Variants in PDE3A observed in about 807,000 individuals in gnomAD.
The protein encoded by PDE3A is phosphodiesterase 3A.
PDE3A carries 43 observed loss-of-function variants against 98.3 expected under a neutral mutation model. That is an observed-to-expected ratio of 0.44 (90% CI 0.34 to 0.56). PDE3A has a LOEUF of 0.56. Ranked by LOEUF, PDE3A falls within the 20% of genes least tolerant of loss-of-function variation. The pLI is 0.01. For synonymous variants in PDE3A, 663 were observed against 567.9 expected (o/e 1.17, Z -2.38); for missense variants, 1,427 against 1,440.7 (o/e 0.99, Z 0.15).
At chr12:20,664,335 TTA>T (rs1945254486) in intron 15 of PDE3A, among the ~76,000 whole-genome samples, 1 of 152,154 alleles carries the variant, frequency 6.6e-6, no homozygotes, top group Non-Finnish European at 1.5e-5. Flanking sequence ...AAATCGTCAC[TTA>T]GATGAGGGTA....
chr12:20,372,856 T>G (rs1180365901), intron 1 of PDE3A, among the ~76,000 whole-genome samples: 1 of 152,164 alleles, frequency 6.6e-6, no homozygotes, highest in African/African-American at 2.4e-5. Flanking sequence ...TTATTTGCAC[T>G]TTGCTCATTG....
At chr12:20,644,891 CTTT>C (rs199535934) in intron 10 of PDE3A, among the ~76,000 whole-genome samples, 54 of 106,522 alleles carry the variant, frequency 5.1e-4, no homozygotes, top group Admixed American at 7.4e-4. Flanking sequence ...CTTCTTCCTT[CTTT>C]TTTTTTTTTT....
chr12:20,406,096 C>T (rs1944228184), intron 1 of PDE3A, among the ~76,000 whole-genome samples: 1 of 152,198 alleles, frequency 6.6e-6, no homozygotes, highest in African/African-American at 2.4e-5. Flanking sequence ...CACACACATA[C>T]ATATACACAC....
intron 1 of PDE3A, among the ~76,000 whole-genome samples, chr12:20,396,769 T>G (rs1469208007): frequency 6.6e-6 from 1 of 152,154 alleles, no homozygotes; most frequent in Non-Finnish European, 1.5e-5. Flanking sequence ...ACCTAAGGGT[T>G]AGTTTGCCAC....
chr12:20,679,138 T>A (rs1453208788), intron 15 of PDE3A, among the ~76,000 whole-genome samples: 2 of 152,196 alleles, frequency 1.3e-5, no homozygotes, highest in African/African-American at 4.8e-5. Context: ...GCAAAGAACA[T>A]TTCAGGATAG....
At chr12:20,585,314 C>A (rs1027140021) in intron 2 of PDE3A, among the ~76,000 whole-genome samples, 2 of 152,178 alleles carry the variant, frequency 1.3e-5, no homozygotes, top group African/African-American at 4.8e-5. Flanking sequence ...TTAGGCTTAG[C>A]CCAGAGTTGG....
intron 15 of PDE3A, among the ~76,000 whole-genome samples, chr12:20,667,544 A>G (rs1185642590): frequency 6.6e-6 from 1 of 152,132 alleles, no homozygotes; most frequent in African/African-American, 2.4e-5. Context: ...TTTCTTCAAT[A>G]TATGTTCTTG....
At chr12:20,477,031 G>C (rs376748703) in intron 1 of PDE3A, among the ~76,000 whole-genome samples, 10 of 152,156 alleles carry the variant, frequency 6.6e-5, no homozygotes, top group African/African-American at 2.4e-4. Flanking sequence ...ATACTATTTC[G>C]TGGTTTAGTA....
chr12:20,381,833 T>C (rs1478249489), intron 1 of PDE3A, among the ~76,000 whole-genome samples: 3 of 151,930 alleles, frequency 2.0e-5, no homozygotes, highest in African/African-American at 7.2e-5. Context: ...TGCTACATTG[T>C]AAGCATTACA....
At position 20,542,836 on chromosome 12, in the gene PDE3A, A is replaced by G. The variant is rs560061467; in HGVS notation, c.961-13824A>G. On this transcript the variant is annotated intron_variant, in intron 1 of 15. Transcript: ENST00000359062. ...CGTCTGAGTTTTAATAATTTTCTGTAGAAAATAGCCTTGAATGTGTCTTTT... is the reference window on the plus strand; with the variant it reads ...CGTCTGAGTTTTAATAATTTTCTGTGGAAAATAGCCTTGAATGTGTCTTTT... 2.0e-5 allele frequency among the ~76,000 whole-genome samples: 3 copies of G among 152,200 alleles called. No homozygotes were observed. In the East Asian group the frequency reaches 5.8e-4, roughly 29 times the overall value.
intron 4 of PDE3A, among the ~76,000 whole-genome samples, chr12:20,617,697 C>CATAGT (rs1410594903): frequency 6.6e-6 from 1 of 152,090 alleles, no homozygotes; most frequent in Non-Finnish European, 1.5e-5. Flanking sequence ...AGTTTCCTGT[C>CATAGT]ATAGTATAGG....
intron 1 of PDE3A, among the ~76,000 whole-genome samples, chr12:20,503,873 G>C (rs1214829837): frequency 7.2e-5 from 11 of 151,964 alleles, no homozygotes. Context: ...GTAATTTACT[G>C]TTACAATTAG....
In PDE3A at chr12:20,646,581, T is replaced by G. The variant is rs368584311; in HGVS notation, c.2343T>G (p.Asp781Glu). ...PIPGLSTVIN[D>E]HGSTSDSDSD... is the part of the protein sequence containing the mutation. ...CAGGCCTCTCAACTGTGATTAATGA[T>G]CATGGTTCAACCAGTGATTCAGGTA... The change falls in exon 11 of 16, where the codon GAT becomes GAG. Residue 781 changes from aspartate (D) to glutamate (E), a missense_variant. Asp to Glu is a conservative substitution (Grantham distance 45). Transcript: ENST00000359062. 4.4e-6 allele frequency: 7 copies of G among 1,599,826 alleles called. No individual in the cohort carries two copies. In the African/African-American group the frequency reaches 9.4e-5, roughly 21 times the overall value.
At chr12:20,670,261 AC>A (rs2120414096) in intron 15 of PDE3A, among the ~76,000 whole-genome samples, 1 of 148,262 alleles carries the variant, frequency 6.7e-6, no homozygotes, top group South Asian at 2.2e-4. Context: ...AGACTTTAAC[AC>A]CCCACTGTCA....
chr12:20,476,705 T>A (rs994804685), intron 1 of PDE3A, among the ~76,000 whole-genome samples: 1 of 152,146 alleles, frequency 6.6e-6, no homozygotes, highest in Non-Finnish European at 1.5e-5. Context: ...CTTGAACATA[T>A]GCTTGAGTCC....
intron 1 of PDE3A, among the ~76,000 whole-genome samples, chr12:20,385,992 TA>T (rs1180426440): frequency 1.5e-3 from 153 of 102,910 alleles, no homozygotes; most frequent in African/African-American, 5.1e-3. Flanking sequence ...ATAATATATA[TA>T]AAATATATAT....
chr12:20,640,518 G>A (rs1434568479), intron 10 of PDE3A, among the ~76,000 whole-genome samples: 1 of 152,062 alleles, frequency 6.6e-6, no homozygotes, highest in African/African-American at 2.4e-5. Context: ...AAGACATATG[G>A]AAGTGGTTAT....
chr12:20,388,194 T>A (rs954588505), intron 1 of PDE3A, among the ~76,000 whole-genome samples: 1 of 152,158 alleles, frequency 6.6e-6, no homozygotes, highest in South Asian at 2.1e-4. Flanking sequence ...TGTGTGATAT[T>A]CAGTACTATA....
At chr12:20,606,383 G>A (rs933125291) in intron 2 of PDE3A, among the ~76,000 whole-genome samples, 10 of 152,124 alleles carry the variant, frequency 6.6e-5, no homozygotes, top group South Asian at 4.2e-4. Context: ...CATTCTGTTC[G>A]TAACTTGGTT....
Sources: allele counts gnomAD v4.1 joint callset (sites outside exome capture counted in the v4.1 genomes callset), GRCh38; gene constraint gnomAD v4.1.1; transcripts MANE v1.5; gene names NCBI Gene and HGNC (gene_info 2026-07-23, HGNC 2026-07-21).